CD44: variants seen among roughly 807,000 people sequenced by gnomAD.
CD44 encodes CD44 antigen.
Under a neutral mutation model 88.8 loss-of-function variants are expected in CD44, and 49 were observed. The observed-to-expected ratio is 0.55, with a 90% CI of 0.44 to 0.70. The LOEUF (loss-of-function observed/expected upper bound fraction) is 0.70, where lower values mean the gene tolerates loss of function less well. Ranked by LOEUF, CD44 falls within the 30% of genes least tolerant of loss-of-function variation. The probability of loss-of-function intolerance (pLI) is 0.00; values close to 1 mark genes in which losing one functional copy is unlikely to be tolerated. For missense variants in CD44, 883 were observed against 913.8 expected (o/e 0.97, Z 0.43); for synonymous variants, 325 against 312.3 (o/e 1.04, Z -0.43).
chr11:35,171,859 A>T (rs1032164172), intron 1 of CD44, among the ~76,000 whole-genome samples: 1 of 152,162 alleles, frequency 6.6e-6, no homozygotes, highest in African/African-American at 2.4e-5. Context: ...AAAAAGTCAG[A>T]AGGAGTCAAA....
chr11:35,156,423 C>T (rs1021560065), intron 1 of CD44, among the ~76,000 whole-genome samples: 1 of 152,204 alleles, frequency 6.6e-6, no homozygotes, highest in Admixed American at 6.5e-5. Flanking sequence ...GTGTCTTAGG[C>T]AGGAAGGGTG....
At chr11:35,171,276 A>G (rs953388393) in intron 1 of CD44, among the ~76,000 whole-genome samples, 3 of 152,248 alleles carry the variant, frequency 2.0e-5, no homozygotes, top group African/African-American at 7.2e-5. Flanking sequence ...GAGTAGAAGG[A>G]TTGTGAACAT....
In CD44 at chr11:35,221,802, TG is replaced by T; in HGVS notation, c.2024+71del. The T allele has an allele frequency of 3.7e-6, 5 of 1,362,358 alleles. No individual in the cohort carries two copies. The South Asian group carries it at 4.6e-5, about 13-fold the overall frequency. 84.4% of individuals were successfully genotyped at this position (1,362,358 alleles called of 1,614,324 possible). The stretch of plus-strand genomic sequence containing the variant: ...TTAAACCTGGGCTTTATATCCTTGC[TG>T]CTCAGAGCGTAGTCCCTGGAACCAG... On this transcript the variant is annotated intron_variant, in intron 17 of 17. Transcript: ENST00000428726.
In CD44 at chr11:35,179,520, G is replaced by A. The variant is rs1944790146; in HGVS notation, c.234-754G>A. 2.6e-5 allele frequency among the ~76,000 whole-genome samples: 4 copies of A among 152,292 alleles called. No individual in the cohort carries two copies. The South Asian group carries it at 8.3e-4, about 32-fold the overall frequency. ...AACACACTCCCAGAGATACCTTGGTGGGGAGAGAGGGGCTATGCATTTCTC... is the reference window on the plus strand; with the variant it reads ...AACACACTCCCAGAGATACCTTGGTAGGGAGAGAGGGGCTATGCATTTCTC... On this transcript the variant is annotated intron_variant, in intron 2 of 17. Transcript: ENST00000428726.
At chr11:35,224,702 C>T (rs1949571618) in intron 17 of CD44, among the ~76,000 whole-genome samples, 1 of 152,192 alleles carries the variant, frequency 6.6e-6, no homozygotes, top group South Asian at 2.1e-4. Context: ...AGTGCCACTA[C>T]AGCCTGGGCA....
At chr11:35,147,085 G>T (rs951626334) in intron 1 of CD44, among the ~76,000 whole-genome samples, 4 of 152,154 alleles carry the variant, frequency 2.6e-5, no homozygotes, top group Non-Finnish European at 5.9e-5. Flanking sequence ...GGGCTGAAAG[G>T]GATGTGAATT....
chr11:35,190,766 G>C (rs1294266010), intron 5 of CD44, among the ~76,000 whole-genome samples: 3 of 152,234 alleles, frequency 2.0e-5, no homozygotes. Context: ...ATCTGGAAGA[G>C]TTTTCTGGTG....
At chr11:35,187,826 C>T (rs1034515888) in intron 4 of CD44, among the ~76,000 whole-genome samples, 22 of 152,194 alleles carry the variant, frequency 1.4e-4, no homozygotes, top group Non-Finnish European at 4.4e-5. Context: ...CCACATCCAT[C>T]TTAAATCATC....
At position 35,211,238 on chromosome 11, in the gene CD44, C is replaced by T; in HGVS notation, c.1607-8C>T. On this transcript the variant is annotated splice_polypyrimidine_tract_variant and splice_region_variant and intron_variant, in intron 13 of 17. Transcript: ENST00000428726. ...TACGGGTTCATCACTGATTCCACCT[C>T]CACACAGATAGGAATGATGTCACAG... The T allele has an allele frequency of 6.2e-7, 1 of 1,609,784 alleles. No homozygotes were observed. The highest frequency in any genetic ancestry group is 1.1e-5 in the South Asian group (1 of 90,910).
At chr11:35,172,883 T>C (rs1217794893) in intron 1 of CD44, among the ~76,000 whole-genome samples, 1 of 152,226 alleles carries the variant, frequency 6.6e-6, no homozygotes, top group Non-Finnish European at 1.5e-5. Context: ...GTATAGTTTT[T>C]TCATAGCACG....
At chr11:35,213,292 G>A (rs978705335) in intron 14 of CD44, among the ~76,000 whole-genome samples, 1 of 152,176 alleles carries the variant, frequency 6.6e-6, no homozygotes. Flanking sequence ...CCATGGATTA[G>A]ACAATTAAGT....
At position 35,196,792 on chromosome 11, in the gene CD44, G is replaced by T. The variant is rs896678219; in HGVS notation, c.714G>T (p.Arg238Ser). The T allele has an allele frequency of 2.5e-6, 4 of 1,613,650 alleles. No individual in the cohort carries two copies. Among genetic ancestry groups the T allele is most frequent in the Non-Finnish European group, 3.4e-6 (4 of 1,179,646 alleles). Residue 238 changes from arginine (R) to serine (S), a missense_variant, in exon 6 of 18, where the codon AGG becomes AGT. Coordinates refer to ENST00000428726, the MANE Select transcript of CD44 (RefSeq NM_000610.4). ...CAGCAACTGAGACAGCAACCAAGAG[G>T]CAAGAAACCTGGGATTGGTTTTCAT... is the stretch of plus-strand genomic sequence containing the variant. ...SATATETATKRQETWDWFSWL... is the reference protein window; with the variant it reads ...SATATETATKSQETWDWFSWL...
chr11:35,164,577 G>GT (rs1265834465), intron 1 of CD44, among the ~76,000 whole-genome samples: 1 of 152,176 alleles, frequency 6.6e-6, no homozygotes, highest in Non-Finnish European at 1.5e-5. Flanking sequence ...CTGGATGGCT[G>GT]TATCTTCAAA....
intron 1 of CD44, among the ~76,000 whole-genome samples, chr11:35,166,713 T>A (rs1347410013): frequency 6.6e-6 from 1 of 152,226 alleles, no homozygotes; most frequent in Non-Finnish European, 1.5e-5. Flanking sequence ...CATTTCTAAG[T>A]GCCAAGTGAT....
At chr11:35,171,655 TA>T (rs1272552915) in intron 1 of CD44, among the ~76,000 whole-genome samples, 2 of 152,174 alleles carry the variant, frequency 1.3e-5, no homozygotes, top group African/African-American at 4.8e-5. Context: ...TTTAAAGATG[TA>T]AACTTTACTT....
chr11:35,146,639 T>C (rs1859231097), intron 1 of CD44, among the ~76,000 whole-genome samples: 1 of 152,230 alleles, frequency 6.6e-6, no homozygotes, highest in African/African-American at 2.4e-5. Context: ...TTAAGTAGCT[T>C]GCCCAAGGCC....
chr11:35,171,866 C>A (rs960188930), intron 1 of CD44, among the ~76,000 whole-genome samples: 1 of 151,528 alleles, frequency 6.6e-6, no homozygotes, highest in Non-Finnish European at 1.5e-5. Flanking sequence ...CAGAAGGAGT[C>A]AAATTTGGAC....
intron 5 of CD44, among the ~76,000 whole-genome samples, chr11:35,195,593 T>G (rs1287657604): frequency 6.6e-6 from 1 of 152,128 alleles, no homozygotes; most frequent in Non-Finnish European, 1.5e-5. Context: ...TAACTCACCT[T>G]ACTATTTTGT....
chr11:35,224,060 G>C (rs916968660), intron 17 of CD44, among the ~76,000 whole-genome samples: 1 of 152,168 alleles, frequency 6.6e-6, no homozygotes, highest in Non-Finnish European at 1.5e-5. Flanking sequence ...TCTTGAATTT[G>C]AATTGGCTAA....
Sources: gnomAD v4.1 joint callset for allele counts (sites outside exome capture counted in the v4.1 genomes callset) on GRCh38, gnomAD v4.1.1 for gene constraint, MANE v1.5 for transcripts, NCBI Gene and HGNC (gene_info 2026-07-23, HGNC 2026-07-21) for gene names.